Variants in ABTB2 observed in about 807,000 individuals in gnomAD.
ABTB2 encodes the protein ankyrin repeat and BTB/POZ domain-containing protein 2.
In ABTB2, 56 loss-of-function variants were observed where a neutral mutation model predicts 104.1. The ratio of observed to expected loss-of-function variants is 0.54; its 90% confidence interval spans 0.43 to 0.67. The LOEUF (loss-of-function observed/expected upper bound fraction) is 0.67. ABTB2 is among the 30% of genes least tolerant of loss of function. The pLI is 0.00. For missense variants in ABTB2, 1,279 were observed against 1,407.7 expected (o/e 0.91, Z 1.46); for synonymous variants, 606 against 608.2 (o/e 1.00, Z 0.05).
intron 1 of ABTB2, among the ~76,000 whole-genome samples, chr11:34,240,126 T>C (rs575467078): frequency 2.6e-5 from 4 of 152,206 alleles, no homozygotes; most frequent in Non-Finnish European, 4.4e-5. Context: ...CCCATTTTTT[T>C]CCCCTGGGTT....
chr11:34,302,735 C>T (rs140716121), intron 1 of ABTB2, among the ~76,000 whole-genome samples: 257 of 152,330 alleles, frequency 1.7e-3, no homozygotes, highest in African/African-American at 5.7e-3. Flanking sequence ...CAGACCACAA[C>T]CTCTTTAGCG....
chr11:34,249,616 C>T (rs556571487), intron 1 of ABTB2, among the ~76,000 whole-genome samples: 4 of 152,298 alleles, frequency 2.6e-5, no homozygotes, highest in Non-Finnish European at 5.9e-5. Context: ...ACATCTAACT[C>T]GGAGCTTTGT....
intron 1 of ABTB2, among the ~76,000 whole-genome samples, chr11:34,250,557 G>C (rs1168917382): frequency 2.0e-5 from 3 of 152,198 alleles, no homozygotes; most frequent in Non-Finnish European, 4.4e-5. Flanking sequence ...CAAACCCTAG[G>C]ATAAGCTTTC....
At chr11:34,238,415 A>T (rs535307029) in intron 1 of ABTB2, among the ~76,000 whole-genome samples, 5 of 152,342 alleles carry the variant, frequency 3.3e-5, no homozygotes, top group African/African-American at 1.2e-4. Context: ...ATACTATGTA[A>T]TCTCCATGAG....
At chr11:34,201,411 G>A (rs1375557987) in intron 2 of ABTB2, among the ~76,000 whole-genome samples, 2 of 152,090 alleles carry the variant, frequency 1.3e-5, no homozygotes, top group African/African-American at 2.4e-5. Context: ...TAGAACATCT[G>A]GCTCCCTTCA....
intron 1 of ABTB2, among the ~76,000 whole-genome samples, chr11:34,246,893 G>A (rs1261696748): frequency 6.8e-6 from 1 of 146,342 alleles, no homozygotes; most frequent in African/African-American, 2.5e-5. Flanking sequence ...TATCACCCAG[G>A]CTGGAGTACA....
chr11:34,186,300 C>T (rs1382464177), intron 3 of ABTB2, among the ~76,000 whole-genome samples: 1 of 152,234 alleles, frequency 6.6e-6, no homozygotes, highest in African/African-American at 2.4e-5. Context: ...GTCAGGGCGG[C>T]TGGTCTTGCA....
At chr11:34,349,920 G>T (rs536668385) in intron 1 of ABTB2, among the ~76,000 whole-genome samples, 1 of 152,192 alleles carries the variant, frequency 6.6e-6, no homozygotes, top group Non-Finnish European at 1.5e-5. Flanking sequence ...AAGTTATGAG[G>T]AATTACAGCC....
chr11:34,221,415 A>G (rs1853620809), intron 1 of ABTB2, among the ~76,000 whole-genome samples: 1 of 152,232 alleles, frequency 6.6e-6, no homozygotes, highest in Non-Finnish European at 1.5e-5. Context: ...TCAACACAGG[A>G]ATCTTGAGAG....
chr11:34,341,308 C>G (rs1251592349), intron 1 of ABTB2, among the ~76,000 whole-genome samples: 1 of 152,144 alleles, frequency 6.6e-6, no homozygotes, highest in East Asian at 1.9e-4. Context: ...TGTCAAGGGT[C>G]CAGAGGTTAG....
At chr11:34,182,497 T>TGGC (rs1168494898) in intron 3 of ABTB2, among the ~76,000 whole-genome samples, 6 of 69,900 alleles carry the variant, frequency 8.6e-5, no homozygotes, top group African/African-American at 5.2e-4. Flanking sequence ...TTGGGTTCTC[T>TGGC]GGGGGGGGGG....
At chr11:34,195,802 T>G (rs1425718388) in intron 3 of ABTB2, among the ~76,000 whole-genome samples, 1 of 152,240 alleles carries the variant, frequency 6.6e-6, no homozygotes. Context: ...TAAATCCACC[T>G]TAGTGCCTTT....
intron 1 of ABTB2, among the ~76,000 whole-genome samples, chr11:34,227,881 C>T (rs565176803): frequency 1.1e-4 from 16 of 147,944 alleles, no homozygotes; most frequent in African/African-American, 2.8e-4. Context: ...ATTACAGGCA[C>T]GTGCCACCAC....
At chr11:34,308,722 T>C (rs1854808330) in intron 1 of ABTB2, among the ~76,000 whole-genome samples, 1 of 151,720 alleles carries the variant, frequency 6.6e-6, no homozygotes, top group African/African-American at 2.4e-5. Context: ...ATACAAAAAT[T>C]AGCTGGGCGT....
At position 34,152,451 on chromosome 11, in the gene ABTB2, A is replaced by T. The variant is rs1852557111; in HGVS notation, c.3014T>A (p.Leu1005Gln). Residue 1005 changes from leucine to glutamine, a missense_variant, in exon 17 of 17, where the codon CTG becomes CAG. Transcript: ENST00000435224. ...TGCCAGGGTGTTCTGCAGGTCCTGCAGTGGATCCAGGCCCTGCACTTTGCT... is the reference window on the plus strand; with the variant it reads ...TGCCAGGGTGTTCTGCAGGTCCTGCTGTGGATCCAGGCCCTGCACTTTGCT... ...RSSKVQGLDP[L>Q]QDLQNTLAER... 1 of 1,600,108 alleles carries T rather than the reference A, an allele frequency of 6.2e-7. No homozygotes were observed. The highest frequency in any genetic ancestry group is 1.1e-5 in the South Asian group (1 of 88,572).
At chr11:34,321,113 C>T (rs531813585) in intron 1 of ABTB2, among the ~76,000 whole-genome samples, 13 of 152,162 alleles carry the variant, frequency 8.5e-5, no homozygotes, top group East Asian at 1.9e-4. Context: ...ACCCAGGAGG[C>T]GGAGGTTGCA....
At chr11:34,173,513 T>C (rs796407728) in intron 3 of ABTB2, among the ~76,000 whole-genome samples, 24 of 152,202 alleles carry the variant, frequency 1.6e-4, no homozygotes, top group African/African-American at 5.8e-4. Flanking sequence ...AGCACACACA[T>C]GCTCACAAGT....
intron 1 of ABTB2, among the ~76,000 whole-genome samples, chr11:34,234,377 C>G (rs560782973): frequency 6.6e-6 from 1 of 152,318 alleles, no homozygotes; most frequent in Admixed American, 6.5e-5. Context: ...AGAGCAGAGG[C>G]TGTAACCGGA....
chr11:34,183,183 C>G (rs1461458190), intron 3 of ABTB2, among the ~76,000 whole-genome samples: 5 of 152,146 alleles, frequency 3.3e-5, no homozygotes, highest in African/African-American at 1.2e-4. Context: ...TCACTGTAGC[C>G]TCAACCTCCT....
Sources: allele counts gnomAD v4.1 joint callset (sites outside exome capture counted in the v4.1 genomes callset), GRCh38; gene constraint gnomAD v4.1.1; transcripts MANE v1.5; gene names NCBI Gene and HGNC (gene_info 2026-07-23, HGNC 2026-07-21).